Variants in TMC1 observed in about 807,000 individuals in gnomAD.
TMC1 encodes the protein transmembrane channel-like protein 1.
TMC1 carries 84 observed loss-of-function variants against 105.8 expected under a neutral mutation model. That is an observed-to-expected ratio of 0.79 (90% CI 0.67 to 0.95). TMC1 has a LOEUF of 0.95. TMC1 is among the 40% of genes least tolerant of loss of function. The probability of loss-of-function intolerance (pLI) is 0.00; values close to 1 mark genes in which losing one functional copy is unlikely to be tolerated. For synonymous variants in TMC1, 315 were observed against 311.5 expected (o/e 1.01, Z -0.12); for missense variants, 817 against 914.1 (o/e 0.89, Z 1.37).
intron 23 of TMC1, among the ~76,000 whole-genome samples, chr9:72,832,024 C>T (rs987452537): frequency 4.0e-5 from 6 of 151,664 alleles, no homozygotes; most frequent in African/African-American, 1.2e-4. Flanking sequence ...GGTATGATCT[C>T]GGCTCACTGC....
chr9:72,617,908 G>GGTGTGTGTGT (rs58657161), intron 3 of TMC1, among the ~76,000 whole-genome samples: 54 of 144,418 alleles, frequency 3.7e-4, no homozygotes, highest in African/African-American at 1.1e-3. Context: ...GTCTATGTGT[G>GGTGTGTGTGT]GTGTGTGTGT....
intron 13 of TMC1, among the ~76,000 whole-genome samples, chr9:72,780,150 C>T (rs899602663): frequency 2.6e-5 from 4 of 152,158 alleles, no homozygotes; most frequent in East Asian, 3.8e-4. Flanking sequence ...AATTTCATAT[C>T]GAGCCTAACT....
chr9:72,564,441 A>G (rs1388146172), intron 1 of TMC1, among the ~76,000 whole-genome samples: 2 of 152,172 alleles, frequency 1.3e-5, no homozygotes, highest in African/African-American at 2.4e-5. Context: ...TTCTCTTTTT[A>G]GGGGAGGAGG....
intron 1 of TMC1, among the ~76,000 whole-genome samples, chr9:72,537,634 G>A (rs1823606580): frequency 6.6e-6 from 1 of 152,180 alleles, no homozygotes. Flanking sequence ...GAGAACATGT[G>A]CCCAAGGTAG....
At chr9:72,815,786 A>G (rs1473909253) in intron 18 of TMC1, among the ~76,000 whole-genome samples, 2 of 152,182 alleles carry the variant, frequency 1.3e-5, no homozygotes, top group Non-Finnish European at 2.9e-5. Context: ...AGATTCTAGA[A>G]GTTTTCTTAC....
At chr9:72,715,395 C>T (rs1156491514) in intron 8 of TMC1, among the ~76,000 whole-genome samples, 1 of 152,164 alleles carries the variant, frequency 6.6e-6, no homozygotes, top group East Asian at 1.9e-4. Flanking sequence ...CTTTCAGGTA[C>T]ACCAATCAAA....
chr9:72,754,094 C>A (rs1426892374), intron 11 of TMC1, among the ~76,000 whole-genome samples: 2 of 152,136 alleles, frequency 1.3e-5, no homozygotes, highest in Non-Finnish European at 2.9e-5. Flanking sequence ...GAAGCAACAT[C>A]TGCTTGGTAA....
chr9:72,708,317 G>T (rs184946972), intron 8 of TMC1, among the ~76,000 whole-genome samples: 13 of 152,240 alleles, frequency 8.5e-5, no homozygotes, highest in African/African-American at 2.6e-4. Context: ...GTGGTATTTT[G>T]ATGAGAATTG....
At chr9:72,701,282 A>T (rs1468543324) in intron 8 of TMC1, among the ~76,000 whole-genome samples, 1 of 152,224 alleles carries the variant, frequency 6.6e-6, no homozygotes, top group East Asian at 1.9e-4. Context: ...TTTCAGTCTT[A>T]TGTTGATGCT....
At chr9:72,670,941 C>T (rs1342573498) in intron 5 of TMC1, among the ~76,000 whole-genome samples, 1 of 152,190 alleles carries the variant, frequency 6.6e-6, no homozygotes, top group East Asian at 1.9e-4. Flanking sequence ...CTAAAGACCA[C>T]TGTAACCTCT....
At chr9:72,743,557 A>T (rs966927210) in intron 10 of TMC1, among the ~76,000 whole-genome samples, 2 of 124,350 alleles carry the variant, frequency 1.6e-5, no homozygotes, top group African/African-American at 7.2e-5. Flanking sequence ...ACACAGCCAG[A>T]CTCTGTTTCA....
intron 5 of TMC1, among the ~76,000 whole-genome samples, chr9:72,668,340 G>T (rs1239685271): frequency 6.6e-6 from 1 of 152,198 alleles, no homozygotes; most frequent in African/African-American, 2.4e-5. Context: ...ACGCAGGTCT[G>T]TCTGATTCTG....
In TMC1 at chr9:72,754,874, A is replaced by C; in HGVS notation, c.731A>C (p.Tyr244Ser). Residue 244 changes from tyrosine (Y) to serine (S), a missense_variant, in exon 12 of 24, where the codon TAC becomes TCC. Transcript: ENST00000297784. ...EASAANFGVL[Y>S]DFNGLAQYSV... ...TCGGCAGCAAACTTTGGTGTGTTGT[A>C]CGACTTCAATGTAAGTGTCTCCACA... 1.2e-6 allele frequency: 2 copies of C among 1,613,508 alleles called. No homozygotes were observed. The highest frequency in any genetic ancestry group is 1.7e-6 in the Non-Finnish European group (2 of 1,179,448).
chr9:72,778,696 G>A (rs989793035), intron 13 of TMC1, among the ~76,000 whole-genome samples: 1 of 152,216 alleles, frequency 6.6e-6, no homozygotes, highest in African/African-American at 2.4e-5. Flanking sequence ...GAGCAGGGCT[G>A]TCTTGCCCAT....
At chr9:72,764,330 A>G (rs985464439) in intron 12 of TMC1, among the ~76,000 whole-genome samples, 2 of 152,182 alleles carry the variant, frequency 1.3e-5, no homozygotes, top group African/African-American at 4.8e-5. Flanking sequence ...TTAAAGAACC[A>G]GCAGCAAATT....
intron 8 of TMC1, among the ~76,000 whole-genome samples, chr9:72,729,436 T>C (rs1467405511): frequency 6.6e-6 from 1 of 152,058 alleles, no homozygotes. Context: ...TTTCAGATAG[T>C]CAGGTAGTTA....
chr9:72,674,731 A>G (rs1826174867), intron 5 of TMC1, among the ~76,000 whole-genome samples: 1 of 152,330 alleles, frequency 6.6e-6, no homozygotes, highest in Non-Finnish European at 1.5e-5. Flanking sequence ...CCCTGCTAGA[A>G]ATCCTCCAGG....
chr9:72,768,261 G>C (rs911588725), intron 12 of TMC1, among the ~76,000 whole-genome samples: 2 of 151,862 alleles, frequency 1.3e-5, no homozygotes, highest in Non-Finnish European at 2.9e-5. Context: ...CTCATAAGTG[G>C]GAGTTGAACA....
intron 6 of TMC1, among the ~76,000 whole-genome samples, chr9:72,692,945 C>T (rs1826490307): frequency 6.6e-6 from 1 of 151,970 alleles, no homozygotes. Context: ...ATGGTGAAAC[C>T]CCATCTCTAC....
Sources: gnomAD v4.1 joint callset for allele counts (sites outside exome capture counted in the v4.1 genomes callset) on GRCh38, gnomAD v4.1.1 for gene constraint, MANE v1.5 for transcripts, NCBI Gene and HGNC (gene_info 2026-07-23, HGNC 2026-07-21) for gene names.